AFF3: variants seen among roughly 807,000 people sequenced by gnomAD.
AFF3 encodes the protein ALF transcription elongation factor 3.
A neutral mutation model predicts 129.7 loss-of-function variants in AFF3; 32 were observed. The observed-to-expected ratio is 0.25, with a 90% CI of 0.19 to 0.33. The LOEUF is 0.33. Ranked by LOEUF, AFF3 falls within the 10% of genes least tolerant of loss-of-function variation. AFF3 has a pLI of 1.00. For synonymous variants in AFF3, 644 were observed against 635.4 expected (o/e 1.01, Z -0.20); for missense variants, 1,373 against 1,592.0 (o/e 0.86, Z 2.34).
chr2:99,591,604 A>G (rs538025789), intron 15 of AFF3, among the ~76,000 whole-genome samples: 1 of 152,382 alleles, frequency 6.6e-6, no homozygotes, highest in South Asian at 2.1e-4. Context: ...AAATATATTC[A>G]TCGTGGCCAG....
At chr2:100,009,019 T>C (rs1682255821) in intron 4 of AFF3, 87 bp from the exon 5 acceptor site, 2 of 1,513,116 alleles carry the variant, frequency 1.3e-6, no homozygotes, top group African/African-American at 2.8e-5. Context: ...TGCAGAAGTC[T>C]GGTTCGTGGA....
At chr2:99,769,209 C>G (rs4851231) in intron 8 of AFF3, among the ~76,000 whole-genome samples, 111,063 of 151,982 alleles carry the variant, frequency 0.73, 41,786 homozygotes, top group South Asian at 0.9. Flanking sequence ...CTTTGCCGAT[C>G]ATACATTTTC....
At chr2:100,008,982 TA>T (rs1265048484) in intron 4 of AFF3, 50 bp from the exon 5 acceptor site, 4 of 1,599,890 alleles carry the variant, frequency 2.5e-6, no homozygotes, top group African/African-American at 1.3e-5. Context: ...AATTAAACTG[TA>T]AAGCCCAATG....
chr2:100,111,033 T>G (rs1016357215), intron 2 of AFF3, among the ~76,000 whole-genome samples: 2 of 152,134 alleles, frequency 1.3e-5, no homozygotes, highest in African/African-American at 4.8e-5. Context: ...ATCATCAATT[T>G]TAGGAGCAAA....
chr2:99,594,350 G>A, intron 14 of AFF3, 61 bp from the exon 15 acceptor site: 1 of 1,535,056 alleles, frequency 6.5e-7, no homozygotes, highest in Non-Finnish European at 8.8e-7. Context: ...CTTAAAAGGG[G>A]CCTGGCTGTT....
chr2:100,068,326 G>C (rs546546770), intron 4 of AFF3, among the ~76,000 whole-genome samples: 2 of 152,328 alleles, frequency 1.3e-5, no homozygotes, highest in African/African-American at 4.8e-5. Flanking sequence ...GGGAGATCCA[G>C]GGAGGCTAAG....
At chr2:99,926,570 G>C (rs1696255744) in intron 7 of AFF3, among the ~76,000 whole-genome samples, 4 of 152,120 alleles carry the variant, frequency 2.6e-5, no homozygotes, top group Admixed American at 2.6e-4. Context: ...TTTTTTGTGA[G>C]AGATTTAGGG....
intron 24 of AFF3, among the ~76,000 whole-genome samples, chr2:99,553,776 C>A (rs1035957546): frequency 4.0e-5 from 6 of 151,454 alleles, no homozygotes; most frequent in Admixed American, 1.3e-4. Context: ...TAGCTGGGAG[C>A]GGTGGCACAT....
intron 10 of AFF3, among the ~76,000 whole-genome samples, chr2:99,730,253 C>T (rs1357895454): frequency 6.6e-6 from 1 of 152,100 alleles, no homozygotes; most frequent in Admixed American, 6.5e-5. Context: ...AGCTTGCTGA[C>T]TCCAATAGGT....
Position 99,554,680 on chromosome 2 carries a change from T to C in AFF3, c.3335+3A>G. On this transcript the variant is annotated splice_donor_region_variant and intron_variant, in intron 23 of 24. Coordinates refer to ENST00000672756, the MANE Select transcript of AFF3 (RefSeq NM_001386135.1). ...GGCATTGACTTTGGAAAAGCGAACT[T>C]ACTTTCCACTGGCCCCCCACGGAGA... 1.2e-5 allele frequency: 19 copies of C among 1,614,126 alleles called. No individual in the cohort carries two copies. The highest frequency in any genetic ancestry group is 1.7e-5 in the Admixed American group (1 of 60,010).
intron 8 of AFF3, among the ~76,000 whole-genome samples, chr2:99,766,218 A>G (rs931415282): frequency 1.3e-5 from 2 of 152,234 alleles, no homozygotes; most frequent in Non-Finnish European, 2.9e-5. Flanking sequence ...GTCAGGTGGG[A>G]CTTCTGGTTT....
chr2:99,914,500 A>T (rs780026929), intron 7 of AFF3, among the ~76,000 whole-genome samples: 9 of 152,190 alleles, frequency 5.9e-5, no homozygotes, highest in Non-Finnish European at 1.0e-4. Flanking sequence ...GAGAAATTCA[A>T]ATAAGGTCTG....
At chr2:100,130,862 G>A (rs1692401596) in intron 1 of AFF3, among the ~76,000 whole-genome samples, 1 of 152,026 alleles carries the variant, frequency 6.6e-6, no homozygotes, top group African/African-American at 2.4e-5. Context: ...CACCTGCTAG[G>A]CCAGAAGGTT....
chr2:99,623,104 A>G (rs1485700083), intron 13 of AFF3, among the ~76,000 whole-genome samples: 1 of 150,428 alleles, frequency 6.6e-6, no homozygotes, highest in Non-Finnish European at 1.5e-5. Context: ...AACTCCAAGG[A>G]GCAAAATGCA....
chr2:99,657,029 G>T (rs1294696838), intron 12 of AFF3, among the ~76,000 whole-genome samples: 1 of 152,140 alleles, frequency 6.6e-6, no homozygotes, highest in Non-Finnish European at 1.5e-5. Context: ...CTGGGCACAT[G>T]GGGCTGTACA....
chr2:99,909,269 T>C (rs1694950775), intron 7 of AFF3, among the ~76,000 whole-genome samples: 2 of 141,246 alleles, frequency 1.4e-5, no homozygotes, highest in Admixed American at 7.4e-5. Flanking sequence ...TTCTCACTCA[T>C]AGGTGGGAAT....
chr2:100,080,406 T>A (rs935442129), intron 4 of AFF3, among the ~76,000 whole-genome samples: 1 of 152,132 alleles, frequency 6.6e-6, no homozygotes, highest in African/African-American at 2.4e-5. Flanking sequence ...TTTCCTTACA[T>A]TTTTATCTGG....
At chr2:99,884,437 C>A (rs2106035215) in intron 7 of AFF3, among the ~76,000 whole-genome samples, 1 of 152,314 alleles carries the variant, frequency 6.6e-6, no homozygotes, top group African/African-American at 2.4e-5. Flanking sequence ...CTCACCCTGT[C>A]TCCCAGGCTG....
intron 13 of AFF3, among the ~76,000 whole-genome samples, chr2:99,603,905 C>G (rs372295383): frequency 1.2e-4 from 19 of 152,256 alleles, no homozygotes; most frequent in South Asian, 1.2e-3. Context: ...CAGAGAAATG[C>G]AAATCAAAAC....
Sources: allele counts gnomAD v4.1 joint callset (sites outside exome capture counted in the v4.1 genomes callset), GRCh38; gene constraint gnomAD v4.1.1; transcripts MANE v1.5; gene names NCBI Gene and HGNC (gene_info 2026-07-23, HGNC 2026-07-21).